Variants in DAW1 observed in about 807,000 individuals in gnomAD.
DAW1 encodes dynein assembly factor with WD repeats 1, also known as dynein assembly factor with WD repeat domains 1.
Under a neutral mutation model 56.5 loss-of-function variants are expected in DAW1, and 47 were observed. The observed-to-expected ratio is 0.83, with a 90% CI of 0.66 to 1.06. The LOEUF (loss-of-function observed/expected upper bound fraction) is 1.06, where lower values mean the gene tolerates loss of function less well. DAW1 is among the 50% of genes least tolerant of loss of function. The pLI is 0.00. For missense variants in DAW1, 505 were observed against 499.3 expected (o/e 1.01, Z -0.11); for synonymous variants, 190 against 179.0 (o/e 1.06, Z -0.49).
At chr2:227,918,171 T>TCATC (rs60074089) in intron 10 of DAW1, among the ~76,000 whole-genome samples, 19,076 of 123,960 alleles carry the variant, frequency 0.15, 1,550 homozygotes, top group Admixed American at 0.23. Context: ...CATCCATCCA[T>TCATC]CATCCATCCA....
At chr2:227,911,084 C>A (rs72965727) in intron 10 of DAW1, among the ~76,000 whole-genome samples, 29,583 of 151,420 alleles carry the variant, frequency 0.2, 3,162 homozygotes, top group Middle Eastern at 0.32. Flanking sequence ...ATATCCTTGA[C>A]AATTGTATAT....
intron 6 of DAW1, among the ~76,000 whole-genome samples, chr2:227,901,833 C>G (rs993687066): frequency 6.6e-6 from 1 of 152,102 alleles, no homozygotes; most frequent in Non-Finnish European, 1.5e-5. Context: ...GGAGGATTTA[C>G]TCAAACATAT....
In DAW1 at chr2:227,903,122, T is replaced by C. The variant is rs1359915085; in HGVS notation, c.648+13T>C. On this transcript the variant is annotated intron_variant, in intron 7 of 12. Coordinates refer to ENST00000309931, the MANE Select transcript of DAW1 (RefSeq NM_178821.3). ...TTACACCTTAAGAGTATGTCAATAA[T>C]GTTAATAAGCCTGTTATTTGTGTTC... is the stretch of plus-strand genomic sequence containing the variant. The C allele has an allele frequency of 3.1e-6, 5 of 1,609,006 alleles. No homozygotes were observed. Among genetic ancestry groups the C allele is most frequent in the Non-Finnish European group, 4.3e-6 (5 of 1,175,546 alleles).
chr2:227,921,221 C>T (rs576458234), intron 11 of DAW1, among the ~76,000 whole-genome samples, 178 bp from the exon 12 acceptor site: 2 of 151,120 alleles, frequency 1.3e-5, no homozygotes, highest in East Asian at 3.9e-4. Flanking sequence ...GTACTAGTCC[C>T]TGCAATATTT....
At chr2:227,912,705 C>A (rs1691858157) in intron 10 of DAW1, among the ~76,000 whole-genome samples, 1 of 152,134 alleles carries the variant, frequency 6.6e-6, no homozygotes. Flanking sequence ...CTGCTGTCAT[C>A]CCCTACCTGT....
chr2:227,881,403 G>A (rs16824086), intron 1 of DAW1, among the ~76,000 whole-genome samples: 10,742 of 152,268 alleles, frequency 0.071, 1,308 homozygotes, highest in African/African-American at 0.25. Flanking sequence ...CTTGCCCTGA[G>A]AAGGGTCTTT....
In DAW1 at chr2:227,924,092, C is replaced by T. The variant is rs1692171102; in HGVS notation, c.*124C>T. Reference sequence around the variant, plus strand: ...TTTTTCTGCAAGTCAACTATTTCTACAACTGTCCTTCATTTCACAGATATG... The same window carrying T: ...TTTTTCTGCAAGTCAACTATTTCTATAACTGTCCTTCATTTCACAGATATG... On this transcript the variant is annotated 3_prime_UTR_variant, in exon 13 of 13. Transcript: ENST00000309931. 1 of 1,140,722 alleles carries T rather than the reference C, an allele frequency of 8.8e-7. No individual in the cohort carries two copies. Among genetic ancestry groups the T allele is most frequent in the Admixed American group, 2.1e-5 (1 of 47,588 alleles). 70.7% of individuals were successfully genotyped at this position (1,140,722 alleles called of 1,614,324 possible).
intron 9 of DAW1, 23 bp from the exon 10 acceptor site, chr2:227,907,113 TTG>T (rs2106206993): frequency 5.8e-6 from 9 of 1,541,422 alleles, no homozygotes; most frequent in Admixed American, 3.7e-5. Context: ...CTTTTTTTTT[TTG>T]TTTTTTGTTC....
intron 1 of DAW1, among the ~76,000 whole-genome samples, chr2:227,877,638 C>T (rs1690910851): frequency 6.6e-6 from 1 of 152,236 alleles, no homozygotes; most frequent in Admixed American, 6.5e-5. Flanking sequence ...TGGGATGAAA[C>T]TGTTCCACCT....
intron 6 of DAW1, among the ~76,000 whole-genome samples, chr2:227,899,293 G>A (rs967507211): frequency 6.6e-6 from 1 of 152,128 alleles, no homozygotes; most frequent in Admixed American, 6.5e-5. Flanking sequence ...TCCATTTCTG[G>A]CCTTCATTAG....
At position 227,879,979 on chromosome 2, in the gene DAW1, C is replaced by T. The variant is rs528644358; in HGVS notation, c.41-5372C>T. Among the ~76,000 whole-genome samples, 14 of 152,226 alleles carry T rather than the reference C, an allele frequency of 9.2e-5. No individual in the cohort carries two copies. The East Asian group carries it at 2.7e-3, about 29-fold the overall frequency. On this transcript the variant is annotated intron_variant, in intron 1 of 12. Coordinates refer to ENST00000309931, the MANE Select transcript of DAW1 (RefSeq NM_178821.3). ...TGTAATGTCTGGTAGAGTAAATTTT[C>T]ACATTTCAAAAAGTAAAATCATTAT...
chr2:227,891,220 T>C, intron 3 of DAW1, 35 bp from the exon 4 acceptor site: 2 of 1,590,828 alleles, frequency 1.3e-6, no homozygotes, highest in Non-Finnish European at 8.6e-7. Context: ...TTAATTTGGT[T>C]TGAGTCTAAA....
intron 8 of DAW1, among the ~76,000 whole-genome samples, chr2:227,905,411 A>G (rs1484518491): frequency 1.3e-5 from 2 of 152,310 alleles, no homozygotes; most frequent in East Asian, 1.9e-4. Context: ...AAGAACTTCA[A>G]TTTCCTTCCT....
intron 10 of DAW1, among the ~76,000 whole-genome samples, chr2:227,917,934 A>C (rs370462379): frequency 6.6e-6 from 1 of 152,154 alleles, no homozygotes; most frequent in Admixed American, 6.6e-5. Context: ...TATCCTTGCT[A>C]TATTTTACTA....
At chr2:227,887,232 T>G (rs1446839175) in intron 2 of DAW1, among the ~76,000 whole-genome samples, 1 of 152,232 alleles carries the variant, frequency 6.6e-6, no homozygotes, top group Non-Finnish European at 1.5e-5. Flanking sequence ...ACAGATAGTT[T>G]CATTGAATAC....
chr2:227,907,734 G>A (rs1456529214), intron 10 of DAW1, among the ~76,000 whole-genome samples: 1 of 152,116 alleles, frequency 6.6e-6, no homozygotes, highest in East Asian at 1.9e-4. Context: ...TTTTAGTAGA[G>A]ACGGGGTTTC....
In DAW1 at chr2:227,889,906, T is replaced by G; in HGVS notation, c.164T>G (p.Leu55Arg). 6.2e-7 allele frequency: 1 copy of G among 1,610,894 alleles called. No homozygotes were observed. Among genetic ancestry groups the G allele is most frequent in the Non-Finnish European group, 8.5e-7 (1 of 1,178,982 alleles). Reference protein sequence around the residue: ...VEEIQKAEPLLTASRTEQVKL... With the variant: ...VEEIQKAEPLRTASRTEQVKL... Reference sequence around the variant, plus strand: ...GAAATCCAGAAGGCAGAACCTCTACTCACAGCTTCACGAACAGAGCAAGTC... The same window carrying G: ...GAAATCCAGAAGGCAGAACCTCTACGCACAGCTTCACGAACAGAGCAAGTC... Residue 55 changes from leucine to arginine, a missense_variant, in exon 3 of 13, where the codon CTC becomes CGC. Coordinates refer to ENST00000309931, the MANE Select transcript of DAW1 (RefSeq NM_178821.3).
chr2:227,872,799 A>T (rs1690788912), intron 1 of DAW1, among the ~76,000 whole-genome samples: 1 of 149,268 alleles, frequency 6.7e-6, no homozygotes, highest in Non-Finnish European at 1.5e-5. Context: ...TTCTTGGTCT[A>T]ACATCCCTTC....
chr2:227,917,370 C>T (rs893295288), intron 10 of DAW1, among the ~76,000 whole-genome samples: 5 of 152,100 alleles, frequency 3.3e-5, no homozygotes, highest in African/African-American at 1.2e-4. Flanking sequence ...ATGCCATTCT[C>T]CTGCCTCAGC....
Sources: gnomAD v4.1 joint callset for allele counts (sites outside exome capture counted in the v4.1 genomes callset) on GRCh38, gnomAD v4.1.1 for gene constraint, MANE v1.5 for transcripts, NCBI Gene and HGNC (gene_info 2026-07-23, HGNC 2026-07-21) for gene names.